The following SLC35F5 variants were observed in gnomAD, a reference collection of about 807,000 sequenced individuals.
The protein encoded by SLC35F5 is HCV NS5A-transactivated protein 3.
A neutral mutation model predicts 68.6 loss-of-function variants in SLC35F5; 54 were observed. The ratio of observed to expected loss-of-function variants is 0.79; its 90% CI spans 0.63 to 0.99. The LOEUF (loss-of-function observed/expected upper bound fraction) is 0.99, where lower values mean the gene tolerates loss of function less well. SLC35F5 is among the 50% of genes least tolerant of loss of function. SLC35F5 has a pLI of 0.00. For synonymous variants in SLC35F5, 211 were observed against 205.2 expected, an observed-to-expected ratio of 1.03 and a Z score of -0.24; for missense variants, 567 against 626.9, an observed-to-expected ratio of 0.90 and a Z score of 1.02.
chr2:113,731,788 A>T, intron 9 of SLC35F5, 140 bp from the exon 10 acceptor site: 1 of 615,810 alleles, frequency 1.6e-6, no homozygotes, highest in Admixed American at 2.7e-5. Flanking sequence ...TTCAATAATA[A>T]CATCTAACAA....
Position 113,742,853 on chromosome 2 carries a change from T to C in SLC35F5, c.589A>G (p.Ser197Gly). The C allele has an allele frequency of 6.2e-7, 1 of 1,613,974 alleles. No individual in the cohort carries two copies. The highest frequency in any genetic ancestry group is 8.5e-7 in the Non-Finnish European group (1 of 1,179,850). ...AGCTGTCGAATCTCCATGATATTAC[T>C]GAACCTCACACGAGACTTTTTGGGG... is the stretch of plus-strand genomic sequence containing the variant. ...KTPKKSRVRF[S>G]NIMEIRQLPS... The change falls in exon 7 of 16, where the codon AGT (serine) becomes GGT (glycine). Residue 197 changes from serine (S) to glycine (G), a missense_variant. Transcript: ENST00000245680.
chr2:113,717,709 A>G (rs1687231423), intron 15 of SLC35F5, 44 bp downstream of exon 15: 1 of 1,263,990 alleles, frequency 7.9e-7, no homozygotes, highest in African/African-American at 1.5e-5. Context: ...AATATTACAC[A>G]GATAAGAACC....
chr2:113,753,054 C>T (rs1399315640), intron 3 of SLC35F5, among the ~76,000 whole-genome samples: 4 of 150,220 alleles, frequency 2.7e-5, no homozygotes, highest in South Asian at 2.1e-4. Flanking sequence ...AGCTAAGTAA[C>T]GAATACATGG....
At chr2:113,730,903 A>G (rs1687857875) in intron 10 of SLC35F5, among the ~76,000 whole-genome samples, 1 of 152,222 alleles carries the variant, frequency 6.6e-6, no homozygotes, top group Admixed American at 6.5e-5. Flanking sequence ...TATCCCCCAC[A>G]AGATGCTTAT....
Position 113,710,686 on chromosome 2 carries a change from G to C in SLC35F5, c.*4532C>G, listed in dbSNP as rs888535057. ...AACTACTCAGGAGACTGAGGTGGGA[G>C]GATGGCTTGAGCTTGGGAGGTTGCA... On this transcript the variant is annotated 3_prime_UTR_variant, in exon 16 of 16. Transcript: ENST00000245680. Among the ~76,000 whole-genome samples the C allele has an allele frequency of 4.6e-5, 7 of 152,064 alleles. No individual in the cohort carries two copies. The highest frequency in any genetic ancestry group is 1.2e-4 in the African/African-American group (5 of 41,402).
At chr2:113,748,886 C>CTCTG (rs1184739374) in intron 4 of SLC35F5, among the ~76,000 whole-genome samples, 2 of 152,164 alleles carry the variant, frequency 1.3e-5, no homozygotes, top group Non-Finnish European at 2.9e-5. Context: ...TCACTGCAGC[C>CTCTG]TCTGACTCCC....
chr2:113,753,934 G>A (rs1676859957), intron 3 of SLC35F5, among the ~76,000 whole-genome samples: 1 of 152,270 alleles, frequency 6.6e-6, no homozygotes, highest in Admixed American at 6.5e-5. Flanking sequence ...GGTTAGAGAA[G>A]AGTTTTAAAG....
chr2:113,742,734 A>C lies in SLC35F5; in HGVS notation c.708T>G (p.Thr236=). The C allele has an allele frequency of 6.2e-7, 1 of 1,614,090 alleles. No individual in the cohort carries two copies. Among genetic ancestry groups the C allele is most frequent in the Non-Finnish European group, 8.5e-7 (1 of 1,179,996 alleles). Reference sequence around the variant, plus strand: ...AGCTAATTTTCGCTACTTGAGTTGCAGTAAGTTTCCCCACAGTTTTCAGTA... The same window carrying C: ...AGCTAATTTTCGCTACTTGAGTTGCCGTAAGTTTCCCCACAGTTTTCAGTA... ...ESILKTVGKL[T]ATQVAKISFF... is the part of the protein sequence containing the mutation. The change falls in exon 7 of 16, where the codon ACT becomes ACG. Residue 236 remains threonine (T), a synonymous_variant. Coordinates refer to ENST00000245680, the MANE Select transcript of SLC35F5 (RefSeq NM_025181.5).
chr2:113,740,904 C>A (rs746899072), intron 7 of SLC35F5, among the ~76,000 whole-genome samples: 1 of 152,184 alleles, frequency 6.6e-6, no homozygotes, highest in Non-Finnish European at 1.5e-5. Flanking sequence ...GGACTACGGG[C>A]GTGAGCCACC....
At chr2:113,737,050 ATTGCTGGG>A (rs1688122317) in intron 7 of SLC35F5, among the ~76,000 whole-genome samples, 1 of 152,220 alleles carries the variant, frequency 6.6e-6, no homozygotes, top group Admixed American at 6.5e-5. Context: ...TAAGAGGTAG[ATTGCTGGG>A]TCAAGCAAAC....
chr2:113,734,366 A>G (rs942162197), intron 9 of SLC35F5, among the ~76,000 whole-genome samples: 8 of 152,204 alleles, frequency 5.3e-5, no homozygotes, highest in African/African-American at 1.9e-4. Context: ...AATGGGAACC[A>G]AAGCAGCCTT....
chr2:113,728,447 A>C (rs899907068), intron 11 of SLC35F5, among the ~76,000 whole-genome samples: 1 of 152,166 alleles, frequency 6.6e-6, no homozygotes, highest in African/African-American at 2.4e-5. Flanking sequence ...GCCATAAGAA[A>C]AATCTTTACT....
intron 15 of SLC35F5, among the ~76,000 whole-genome samples, chr2:113,717,127 A>G (rs1341004976): frequency 6.6e-6 from 1 of 152,222 alleles, no homozygotes; most frequent in Non-Finnish European, 1.5e-5. Flanking sequence ...ATTTAATTCA[A>G]GCTTTCATTC....
At chr2:113,719,407 TAAG>T in intron 13 of SLC35F5, 99 bp from the exon 14 acceptor site, 2 of 1,074,028 alleles carry the variant, frequency 1.9e-6, no homozygotes, top group Non-Finnish European at 2.6e-6. Context: ...CTAGCAGGAA[TAAG>T]AACAATGGGA....
chr2:113,743,851 A>G (rs1676380791), intron 5 of SLC35F5, 57 bp from the exon 6 acceptor site: 2 of 1,426,886 alleles, frequency 1.4e-6, no homozygotes, highest in African/African-American at 1.4e-5. Context: ...CATAGTGGTT[A>G]AAATTTAAAT....
At chr2:113,735,904 T>G in intron 7 of SLC35F5, 46 bp from the exon 8 acceptor site, 2 of 1,162,074 alleles carry the variant, frequency 1.7e-6, no homozygotes, top group Non-Finnish European at 2.6e-6. Flanking sequence ...AAGACATGTT[T>G]ACATCTGTCA....
chr2:113,753,162 G>GTTTTTTTTTTTTTTT lies in SLC35F5; in HGVS notation c.273+2002_273+2003insAAAAAAAAAAAAAAA, dbSNP rs143010470. ...AATACACACTTTATCTCCAAAGTTT[G>GTTTTTTTTTTTTTTT]TTTTTCTTTTTTTTTTTTTTTTTTT... On this transcript the variant is annotated intron_variant, in intron 3 of 15. Coordinates refer to ENST00000245680, the MANE Select transcript of SLC35F5 (RefSeq NM_025181.5). Among the ~76,000 whole-genome samples the GTTTTTTTTTTTTTTT allele has an allele frequency of 1.8e-3, 91 of 50,530 alleles. 2 individuals are homozygous for GTTTTTTTTTTTTTTT. Among genetic ancestry groups the GTTTTTTTTTTTTTTT allele is most frequent in the Non-Finnish European group, 3.0e-3 (74 of 25,002 alleles). 33.1% of individuals were successfully genotyped at this position (50,530 alleles called of 152,430 possible).
intron 5 of SLC35F5, among the ~76,000 whole-genome samples, chr2:113,746,025 C>A (rs1055040935): frequency 1.3e-5 from 2 of 152,132 alleles, no homozygotes; most frequent in Non-Finnish European, 2.9e-5. Flanking sequence ...AAAGGATTGT[C>A]CTTTATTATT....
intron 3 of SLC35F5, among the ~76,000 whole-genome samples, chr2:113,753,162 G>GTTTTTTTTTTTTTTTTTTTTT (rs143010470): frequency 1.0e-3 from 52 of 50,538 alleles, no homozygotes; most frequent in Non-Finnish European, 1.8e-3. Flanking sequence ...TCCAAAGTTT[G>GTTTTTTTTTTTTTTTTTTTTT]TTTTTCTTTT....
Sources: gnomAD v4.1 joint callset for allele counts (sites outside exome capture counted in the v4.1 genomes callset) on GRCh38, gnomAD v4.1.1 for gene constraint, MANE v1.5 for transcripts, NCBI Gene and HGNC (gene_info 2026-07-23, HGNC 2026-07-21) for gene names.